The following NAA15 variants were observed in gnomAD, a reference collection of about 807,000 sequenced individuals.
NAA15 encodes the protein N-alpha-acetyltransferase 15, NatA auxiliary subunit.
A neutral mutation model predicts 114.0 loss-of-function variants in NAA15; 34 were observed. The observed-to-expected ratio is 0.30, with a 90% CI of 0.23 to 0.40. The LOEUF is 0.40. Among genes scored for constraint, NAA15 ranks in the 10% least tolerant of loss-of-function variants. The pLI, the probability that NAA15 is intolerant of heterozygous loss-of-function variation, is 1.00. For missense variants in NAA15, 658 were observed against 1,004.5 expected, an observed-to-expected ratio of 0.66 and a Z score of 4.66; for synonymous variants, 340 against 338.0, an observed-to-expected ratio of 1.01 and a Z score of -0.06.
At chr4:139,338,145 T>C (rs755206005) in intron 3 of NAA15, among the ~76,000 whole-genome samples, 3 of 152,178 alleles carry the variant, frequency 2.0e-5, no homozygotes, top group Non-Finnish European at 4.4e-5. Flanking sequence ...TGTGTGGCTG[T>C]TGCAATATTT....
rs368767508 is a variant in NAA15 at position 139,372,072 on chromosome 4, T to C, written c.1947+1668T>C. On this transcript the variant is annotated intron_variant, in intron 15 of 19. Transcript: ENST00000296543. ...CTGGGACTACAGGCGCCCGCCACCA[T>C]GCCCGGCTAATTTTTTTGTATTTTT... 6.6e-5 allele frequency among the ~76,000 whole-genome samples: 10 copies of C among 152,058 alleles called. No individual in the cohort carries two copies. The East Asian group carries it at 1.4e-3, about 21-fold the overall frequency.
chr4:139,359,602 C>T lies in NAA15; in HGVS notation c.1258-141C>T, dbSNP rs552120859. 2.7e-5 allele frequency: 19 copies of T among 707,470 alleles called. 1 individual carries two copies. The East Asian group carries it at 5.9e-4, about 22-fold the overall frequency. The allele number at this position is 707,470 out of a possible 1,614,324, so 43.8% of individuals were successfully genotyped here. ...ACTTATATTATGGAAGAATGCATTTCTTTATATTGATTAGCATCTAAGAGT... is the reference window on the plus strand; with the variant it reads ...ACTTATATTATGGAAGAATGCATTTTTTTATATTGATTAGCATCTAAGAGT... On this transcript the variant is annotated intron_variant, in intron 11 of 19. Coordinates refer to ENST00000296543, the MANE Select transcript of NAA15 (RefSeq NM_057175.5).
In NAA15 at chr4:139,306,801, G is replaced by A. The variant is rs116791587; in HGVS notation, c.54+4970G>A. ...TAGGAAAAATGAGGTTGCCAGAGTAGAACAAAATCCACACCTTAGATTTTA... is the reference window on the plus strand; with the variant it reads ...TAGGAAAAATGAGGTTGCCAGAGTAAAACAAAATCCACACCTTAGATTTTA... On this transcript the variant is annotated intron_variant, in intron 1 of 19. Transcript: ENST00000296543. Among the ~76,000 whole-genome samples, 658 of 152,204 alleles carry A rather than the reference G, an allele frequency of 4.3e-3. 3 individuals carry two copies. Among genetic ancestry groups the A allele is most frequent in the Non-Finnish European group, 7.0e-3 (474 of 68,008 alleles).
At chr4:139,320,404 T>C (rs1746556995) in intron 1 of NAA15, among the ~76,000 whole-genome samples, 1 of 152,238 alleles carries the variant, frequency 6.6e-6, no homozygotes, top group South Asian at 2.1e-4. Flanking sequence ...TAGGGTCATA[T>C]TCTTGCATGT....
intron 1 of NAA15, among the ~76,000 whole-genome samples, chr4:139,310,844 C>A (rs1746200005): frequency 1.3e-5 from 2 of 151,736 alleles, no homozygotes; most frequent in Non-Finnish European, 2.9e-5. Flanking sequence ...GTCTTGAACT[C>A]CAGGCCTCAG....
intron 16 of NAA15, among the ~76,000 whole-genome samples, chr4:139,377,554 A>T (rs951552000): frequency 6.6e-6 from 1 of 151,806 alleles, no homozygotes; most frequent in African/African-American, 2.4e-5. Context: ...AAAAAAGGTC[A>T]TGTTTATCAA....
chr4:139,351,768 T>A lies in NAA15; in HGVS notation c.1014+157T>A, dbSNP rs116430079. ...TTAAATGCTTCTGATTCCTCTTTTT[T>A]CCATTTCATCCTCTTTTTTTTCTTT... On this transcript the variant is annotated intron_variant, in intron 9 of 19. Coordinates refer to ENST00000296543, the MANE Select transcript of NAA15 (RefSeq NM_057175.5). Among the ~76,000 whole-genome samples the A allele has an allele frequency of 8.4e-3, 1,281 of 152,308 alleles. 19 individuals are homozygous for A. Among genetic ancestry groups the A allele is most frequent in the African/African-American group, 0.03 (1,227 of 41,568 alleles).
At chr4:139,362,455 T>G (rs1748161783) in intron 14 of NAA15, among the ~76,000 whole-genome samples, 1 of 152,144 alleles carries the variant, frequency 6.6e-6, no homozygotes, top group Admixed American at 6.6e-5. Flanking sequence ...GTGTTTTTAG[T>G]GGAGACGGGG....
rs772372412 is a variant in NAA15 at position 139,301,522 on chromosome 4, T to C, written c.-256T>C. On this transcript the variant is annotated 5_prime_UTR_variant, in exon 1 of 20. Coordinates refer to ENST00000296543, the MANE Select transcript of NAA15 (RefSeq NM_057175.5). ...GCCATTTTGGCTGCCTCTGTCGGTC[T>C]GTTCAGTTACCACGTGAACCGCCGA... is the stretch of plus-strand genomic sequence containing the variant. The C allele has an allele frequency of 1.4e-5, 7 of 498,480 alleles. No homozygotes were observed. Among genetic ancestry groups the C allele is most frequent in the Non-Finnish European group, 1.1e-5 (3 of 280,834 alleles). The allele number at this position is 498,480 out of a possible 1,614,324, so 30.9% of individuals were successfully genotyped here.
intron 1 of NAA15, among the ~76,000 whole-genome samples, chr4:139,319,671 A>C (rs1206389513): frequency 6.8e-6 from 1 of 147,822 alleles, no homozygotes; most frequent in Non-Finnish European, 1.5e-5. Context: ...GGGCTCAGGC[A>C]ATCTGCCCAC....
chr4:139,373,784 C>G (rs559221041), intron 15 of NAA15, among the ~76,000 whole-genome samples: 1 of 151,948 alleles, frequency 6.6e-6, no homozygotes, highest in Non-Finnish European at 1.5e-5. Flanking sequence ...TGCAACACTC[C>G]GCCTCCCAGG....
rs1486730835 is a variant in NAA15 at position 139,317,092 on chromosome 4, G to GTTT, written c.54+15261_54+15262insTTT. Among the ~76,000 whole-genome samples the GTTT allele has an allele frequency of 2.6e-5, 4 of 151,744 alleles. No homozygotes were observed. The East Asian group carries it at 7.8e-4, about 29-fold the overall frequency. On this transcript the variant is annotated intron_variant, in intron 1 of 19. Coordinates refer to ENST00000296543, the MANE Select transcript of NAA15 (RefSeq NM_057175.5). Reference sequence around the variant, plus strand: ...CTCTCAGATGGGGCCCTCTCCTGATGGTAAATCCTCAGTCATATTACATGT... The same window carrying GTTT: ...CTCTCAGATGGGGCCCTCTCCTGATGTTTGTAAATCCTCAGTCATATTACATGT...
Position 139,389,864 on chromosome 4 carries a change from TGTAAA to T in NAA15, c.*1782_*1786del, listed in dbSNP as rs1749006697. 7 of 152,644 alleles carry T rather than the reference TGTAAA, an allele frequency of 4.6e-5. No individual in the cohort carries two copies. The highest frequency in any genetic ancestry group is 4.6e-4 in the Admixed American group (7 of 15,278). The allele number at this position is 152,644 out of a possible 1,614,324, so 9.5% of individuals were successfully genotyped here. A position where few individuals can be genotyped will look rare whatever the true frequency, so the allele number is the denominator to read the frequency against. The stretch of plus-strand genomic sequence containing the variant: ...TCTCAGTCTAACAGTTTAGTAGTGA[TGTAAA>T]GAGAAGTACAAACCGAACTCCAGTG... On this transcript the variant is annotated 3_prime_UTR_variant, in exon 20 of 20. Coordinates refer to ENST00000296543, the MANE Select transcript of NAA15 (RefSeq NM_057175.5).
At chr4:139,308,383 G>A (rs1234620777) in intron 1 of NAA15, among the ~76,000 whole-genome samples, 1 of 152,176 alleles carries the variant, frequency 6.6e-6, no homozygotes, top group Non-Finnish European at 1.5e-5. Flanking sequence ...GGAATTGTTA[G>A]CAAGTAGGTG....
chr4:139,360,754 CT>C (rs372216635), intron 13 of NAA15, 126 bp downstream of exon 13: 1 of 828,364 alleles, frequency 1.2e-6, no homozygotes, highest in Non-Finnish European at 1.7e-6. Context: ...TCAGTATTCA[CT>C]TTTTTCAGTT....
intron 1 of NAA15, among the ~76,000 whole-genome samples, chr4:139,311,736 A>G (rs1210214093): frequency 2.0e-5 from 3 of 152,034 alleles, no homozygotes; most frequent in Middle Eastern, 3.4e-3. Context: ...CGATTCTGAC[A>G]CGAAGTCAGG....
In NAA15 at chr4:139,342,300, TA is replaced by T. The variant is rs560622321; in HGVS notation, c.403-523del. 8.3e-3 allele frequency among the ~76,000 whole-genome samples: 1,265 copies of T among 152,222 alleles called. 6 individuals are homozygous for T. Among genetic ancestry groups the T allele is most frequent in the Non-Finnish European group, 0.013 (879 of 67,984 alleles). ...AGTTTGGTCTTAAGTTTTAAAAACT[TA>T]AATCTGGTCTTAAGTTTTAAAAAAA... On this transcript the variant is annotated intron_variant, in intron 4 of 19. Transcript: ENST00000296543.
At chr4:139,330,103 GAA>G (rs1471069410) in intron 1 of NAA15, among the ~76,000 whole-genome samples, 7 of 152,182 alleles carry the variant, frequency 4.6e-5, no homozygotes, top group Non-Finnish European at 8.8e-5. Context: ...TGCCAAAAGT[GAA>G]AGTCACCTAA....
intron 18 of NAA15, among the ~76,000 whole-genome samples, chr4:139,385,445 A>G (rs1247056046): frequency 6.6e-6 from 1 of 151,622 alleles, no homozygotes; most frequent in Non-Finnish European, 1.5e-5. Flanking sequence ...AATGTATATC[A>G]TAAAATGAAG....
Sources: gnomAD v4.1 joint callset for allele counts (sites outside exome capture counted in the v4.1 genomes callset) on GRCh38, gnomAD v4.1.1 for gene constraint, MANE v1.5 for transcripts, NCBI Gene and HGNC (gene_info 2026-07-23, HGNC 2026-07-21) for gene names.